Variants in TCF4 observed in about 807,000 individuals in gnomAD.
TCF4 encodes transcription factor 4.
Under a neutral mutation model 82.1 loss-of-function variants are expected in TCF4, and 3 were observed. The ratio of observed to expected loss-of-function variants is 0.04; its 90% CI spans 0.02 to 0.09. The LOEUF (loss-of-function observed/expected upper bound fraction) is 0.09, where lower values mean the gene tolerates loss of function less well. TCF4 is among the 10% of genes least tolerant of loss of function. The pLI is 1.00. For synonymous variants in TCF4, 276 were observed against 309.6 expected (o/e 0.89, Z 1.14); for missense variants, 518 against 852.7 (o/e 0.61, Z 4.89).
chr18:55,384,400 C>T (rs955008886), intron 6 of TCF4, among the ~76,000 whole-genome samples: 12 of 152,218 alleles, frequency 7.9e-5, no homozygotes, highest in African/African-American at 2.7e-4. Context: ...GAGGTGACAG[C>T]ATGTGTCGTC....
chr18:55,623,453 AT>A (rs529521578), intron 2 of TCF4, among the ~76,000 whole-genome samples: 1 of 152,178 alleles, frequency 6.6e-6, no homozygotes, highest in South Asian at 2.1e-4. Flanking sequence ...AATAAGACAC[AT>A]TTTTTAAACT....
chr18:55,463,991 A>T, intron 4 of TCF4, 85 bp downstream of exon 4: 1 of 1,234,352 alleles, frequency 8.1e-7, no homozygotes. Context: ...AGAGAGAGAG[A>T]GAGAGAGAGA....
At chr18:55,491,632 A>G (rs912126609) in intron 3 of TCF4, among the ~76,000 whole-genome samples, 1 of 152,144 alleles carries the variant, frequency 6.6e-6, no homozygotes, top group African/African-American at 2.4e-5. Flanking sequence ...ATGTTTTCAC[A>G]TACCGCGCTC....
At chr18:55,510,714 T>C in intron 3 of TCF4, 2 of 1,420,022 alleles carry the variant, frequency 1.4e-6, no homozygotes, top group Non-Finnish European at 1.8e-6. Context: ...GCCTTTCTTT[T>C]AAGGGGCCTT....
At chr18:55,422,916 G>C (rs1010566793) in intron 5 of TCF4, among the ~76,000 whole-genome samples, 9 of 151,822 alleles carry the variant, frequency 5.9e-5, no homozygotes, top group African/African-American at 2.2e-4. Flanking sequence ...AATGCCAGGA[G>C]CCGATCAGCA....
chr18:55,423,427 G>GCGCACACACA (rs1491432938), intron 5 of TCF4: 6 of 106,044 alleles, frequency 5.7e-5, no homozygotes, highest in Admixed American at 9.5e-5. Context: ...ACGCGCGCGC[G>GCGCACACACA]CACACACACA....
intron 5 of TCF4, among the ~76,000 whole-genome samples, chr18:55,405,371 A>G (rs2094034925): frequency 6.6e-6 from 1 of 152,214 alleles, no homozygotes; most frequent in Non-Finnish European, 1.5e-5. Flanking sequence ...GGCAGGCAGA[A>G]AGACAGAAAG....
At chr18:55,605,117 A>G (rs2097701078) in intron 2 of TCF4, among the ~76,000 whole-genome samples, 1 of 152,116 alleles carries the variant, frequency 6.6e-6, no homozygotes, top group Non-Finnish European at 1.5e-5. Flanking sequence ...GAAAAGGGGG[A>G]GTCAAGACTG....
intron 5 of TCF4, among the ~76,000 whole-genome samples, chr18:55,444,061 ATCAC>A (rs1184033450): frequency 6.6e-6 from 1 of 152,226 alleles, no homozygotes. Flanking sequence ...ATTCCTAAGC[ATCAC>A]ACCATCTCAC....
upstream of TCF4, chr18:55,588,428 C>T (rs1447315357): frequency 2.6e-6 from 4 of 1,535,030 alleles, no homozygotes; most frequent in African/African-American, 5.5e-5. Context: ...TCAACACCTC[C>T]CCCGCCTCGC....
chr18:55,372,857 G>A (rs1453325970), intron 6 of TCF4, among the ~76,000 whole-genome samples: 2 of 152,014 alleles, frequency 1.3e-5, no homozygotes, highest in Non-Finnish European at 2.9e-5. Context: ...TCTTTTTTAG[G>A]AAAGATACAG....
chr18:55,497,930 C>A (rs2096655536), intron 3 of TCF4, among the ~76,000 whole-genome samples: 1 of 152,150 alleles, frequency 6.6e-6, no homozygotes. Flanking sequence ...ACAATGAACA[C>A]AAAATTAATT....
intron 8 of TCF4, among the ~76,000 whole-genome samples, chr18:55,303,321 T>C (rs953742109): frequency 6.6e-6 from 1 of 151,506 alleles, no homozygotes; most frequent in Non-Finnish European, 1.5e-5. Context: ...GTTTACCTGA[T>C]GTAAAATGCA....
chr18:55,341,194 G>A (rs943768120), intron 8 of TCF4, among the ~76,000 whole-genome samples: 1 of 152,172 alleles, frequency 6.6e-6, no homozygotes, highest in Non-Finnish European at 1.5e-5. Context: ...ACAGCACTAT[G>A]GTTAAGAACA....
intron 8 of TCF4, chr18:55,321,691 C>G (rs1172855847): frequency 1.3e-6 from 2 of 1,536,042 alleles, no homozygotes; most frequent in Non-Finnish European, 1.7e-6. Flanking sequence ...TATAGTAGTA[C>G]ATCAAAGAGT....
At chr18:55,590,647 C>T (rs1163490810), upstream of TCF4, among the ~76,000 whole-genome samples, 1 of 152,160 alleles carries the variant, frequency 6.6e-6, no homozygotes, top group Non-Finnish European at 1.5e-5. Flanking sequence ...TCAACTGATA[C>T]CGCTAACCTA....
At chr18:55,313,627 T>C (rs73490810) in intron 8 of TCF4, among the ~76,000 whole-genome samples, 4,321 of 152,194 alleles carry the variant, frequency 0.028, 236 homozygotes, top group African/African-American at 0.099. Flanking sequence ...GATTTCTCTG[T>C]GTGAAATGAA....
intron 2 of TCF4, among the ~76,000 whole-genome samples, chr18:55,629,243 A>G (rs1382893354): frequency 6.6e-6 from 1 of 152,234 alleles, no homozygotes; most frequent in African/African-American, 2.4e-5. Flanking sequence ...ATCACTATCA[A>G]TTGAGACACT....
In TCF4 at chr18:55,479,511, G is replaced by T. The variant is rs185055961; in HGVS notation, c.146-15374C>A. On this transcript the variant is annotated intron_variant, in intron 3 of 19. Coordinates refer to ENST00000354452, the MANE Select transcript of TCF4 (RefSeq NM_001083962.2). Reference sequence around the variant, plus strand: ...TTCCCCATCTTCCTTTGCAGTCATGGGATCATATGACTAGGATTTGGCCAA... The same window carrying T: ...TTCCCCATCTTCCTTTGCAGTCATGTGATCATATGACTAGGATTTGGCCAA... Among the ~76,000 whole-genome samples, 589 of 152,298 alleles carry T rather than the reference G, an allele frequency of 3.9e-3. 2 individuals carry two copies. Among genetic ancestry groups the T allele is most frequent in the African/African-American group, 0.013 (556 of 41,558 alleles).
Sources: allele counts gnomAD v4.1 joint callset (sites outside exome capture counted in the v4.1 genomes callset), GRCh38; gene constraint gnomAD v4.1.1; transcripts MANE v1.5; gene names NCBI Gene and HGNC (gene_info 2026-07-23, HGNC 2026-07-21).